ATRX: variants seen among roughly 807,000 people sequenced by gnomAD.
ATRX encodes the protein chromatin remodeler ATRX.
Under a neutral mutation model 172.6 loss-of-function variants are expected in ATRX, and 12 were observed. The observed-to-expected ratio is 0.07, with a 90% CI of 0.04 to 0.11. The LOEUF (loss-of-function observed/expected upper bound fraction) is 0.11. Ranked by LOEUF, ATRX falls within the 10% of genes least tolerant of loss-of-function variation. ATRX has a pLI of 1.00. For synonymous variants in ATRX, 674 were observed against 594.7 expected, an observed-to-expected ratio of 1.13 and a Z score of -1.94; for missense variants, 1,368 against 1,767.4, an observed-to-expected ratio of 0.77 and a Z score of 4.05.
chrX:77,639,679 G>A (rs782049194), intron 15 of ATRX, among the ~76,000 whole-genome samples: 51 of 112,170 alleles, frequency 4.5e-4, no homozygotes, highest in South Asian at 1.9e-3. Flanking sequence ...GTTATTAAGT[G>A]TTGTCTTCAG....
At chrX:77,696,836 G>C in intron 4 of ATRX, 132 bp from the exon 5 acceptor site, 2 of 626,495 alleles carry the variant, frequency 3.2e-6, no homozygotes, top group Non-Finnish European at 5.0e-6. Context: ...ACCTAGGGAA[G>C]CATGTATGTC....
chrX:77,621,068 A>C (rs1227562819), intron 19 of ATRX, among the ~76,000 whole-genome samples: 1 of 111,702 alleles, frequency 9.0e-6, no homozygotes, highest in African/African-American at 3.3e-5. Flanking sequence ...TTAACTGATA[A>C]AAGAAAGTGA....
chrX:77,742,975 C>T (rs782391888), intron 1 of ATRX, among the ~76,000 whole-genome samples: 13 of 111,039 alleles, frequency 1.2e-4, no homozygotes, highest in African/African-American at 3.9e-4. Context: ...AGCAACAGGG[C>T]CAGTCCTAGC....
chrX:77,741,595 G>A lies in ATRX; in HGVS notation c.21-24352C>T, dbSNP rs146186712. ...TCCTGCCACAGCCTCTCAAGTAGCT[G>A]GGACTACAGGTGCGCGCCACCATGC... On this transcript the variant is annotated intron_variant, in intron 1 of 34. Coordinates refer to ENST00000373344, the MANE Select transcript of ATRX (RefSeq NM_000489.6). Among the ~76,000 whole-genome samples the A allele has an allele frequency of 2.0e-3, 224 of 110,824 alleles. 2 individuals are homozygous for A. The East Asian group carries it at 0.039, about 19-fold the overall frequency.
chrX:77,708,659 CA>C (rs782311645), intron 2 of ATRX, among the ~76,000 whole-genome samples: 1 of 97,415 alleles, frequency 1.0e-5, no homozygotes, highest in South Asian at 4.8e-4. Flanking sequence ...GACTCTGTCT[CA>C]AAAAAAAAAT....
At chrX:77,591,384 C>T (rs1230697826) in intron 26 of ATRX, among the ~76,000 whole-genome samples, 1 of 111,917 alleles carries the variant, frequency 8.9e-6, no homozygotes, top group African/African-American at 3.2e-5. Context: ...CAAAGTAGAT[C>T]AGTATATAAG....
chrX:77,573,924 C>G (rs1557068970), intron 28 of ATRX, among the ~76,000 whole-genome samples: 1 of 111,380 alleles, frequency 9.0e-6, no homozygotes, highest in African/African-American at 3.3e-5. Context: ...TCAAATGTCC[C>G]TCAAGTGGAA....
intron 25 of ATRX, among the ~76,000 whole-genome samples, chrX:77,597,843 T>C (rs897448502): frequency 4.5e-5 from 5 of 112,198 alleles, no homozygotes; most frequent in Non-Finnish European, 9.4e-5. Context: ...GTTGGTGGGA[T>C]TGTAAATTAG....
intron 34 of ATRX, among the ~76,000 whole-genome samples, chrX:77,509,565 C>T (rs1602307548): frequency 9.0e-6 from 1 of 111,558 alleles, no homozygotes; most frequent in Non-Finnish European, 1.9e-5. Context: ...CCAATGCCAC[C>T]CCTCACTCAT....
Position 77,652,327 on chromosome X carries a change from T to C in ATRX, c.4344A>G (p.Glu1448=). Residue 1448 remains glutamate (E), a synonymous_variant, in exon 15 of 35, where the codon GAA becomes GAG. Coordinates refer to ENST00000373344, the MANE Select transcript of ATRX (RefSeq NM_000489.6). ...CCTCCTCTTCCTCCTCCTCTTCTTT[T>C]TCCTCCTCTTCTTCCTCAGAATTAC... ...NKSNSEEEEE[E]KEEEEEEEEE... is the part of the protein sequence containing the mutation. The C allele has an allele frequency of 8.3e-7, 1 of 1,205,685 alleles. No homozygotes were observed. The highest frequency in any genetic ancestry group is 1.1e-6 in the Non-Finnish European group (1 of 892,535).
intron 15 of ATRX, among the ~76,000 whole-genome samples, chrX:77,646,163 A>G (rs1430206845): frequency 5.4e-5 from 6 of 112,139 alleles, no homozygotes; most frequent in African/African-American, 1.9e-4. Flanking sequence ...TCAAAAAGAC[A>G]TAGATGGACA....
intron 17 of ATRX, among the ~76,000 whole-genome samples, chrX:77,634,188 C>G (rs1342841895): frequency 2.4e-5 from 2 of 84,942 alleles, no homozygotes; most frequent in Non-Finnish European, 4.3e-5. Context: ...GTAAAAGATA[C>G]TTTACTTTGT....
intron 1 of ATRX, among the ~76,000 whole-genome samples, chrX:77,733,895 T>G (rs782493998): frequency 6.6e-5 from 6 of 90,700 alleles, no homozygotes; most frequent in Non-Finnish European, 1.3e-4. Context: ...GAAAAATAAA[T>G]AAAATAAATA....
At chrX:77,542,740 G>C (rs1184588500) in intron 30 of ATRX, among the ~76,000 whole-genome samples, 1 of 111,863 alleles carries the variant, frequency 8.9e-6, no homozygotes, top group African/African-American at 3.3e-5. Context: ...TTTAATAAAT[G>C]GTGTTGGGAA....
At chrX:77,674,392 C>A (rs1381334897) in intron 10 of ATRX, 1 of 109,557 alleles carries the variant, frequency 9.1e-6, no homozygotes, top group East Asian at 2.8e-4. Flanking sequence ...ACAAATTAAA[C>A]TGAGTATAGA....
intron 34 of ATRX, among the ~76,000 whole-genome samples, chrX:77,511,960 C>T (rs1345505004): frequency 9.0e-6 from 1 of 111,184 alleles, no homozygotes; most frequent in East Asian, 2.8e-4. Flanking sequence ...TATCAATATT[C>T]AAGAAAAAGA....
At chrX:77,760,102 T>C (rs1301793164) in intron 1 of ATRX, among the ~76,000 whole-genome samples, 1 of 110,670 alleles carries the variant, frequency 9.0e-6, no homozygotes. Flanking sequence ...ATACTAAATA[T>C]TTGAAATTCC....
chrX:77,649,884 A>G (rs1456138066), intron 15 of ATRX, among the ~76,000 whole-genome samples: 1 of 112,134 alleles, frequency 8.9e-6, no homozygotes, highest in African/African-American at 3.2e-5. Context: ...AAAATGGACT[A>G]ATACAATGTA....
intron 34 of ATRX, among the ~76,000 whole-genome samples, chrX:77,520,526 G>A (rs1205765782): frequency 9.0e-6 from 1 of 111,605 alleles, no homozygotes; most frequent in Non-Finnish European, 1.9e-5. Flanking sequence ...TAGATGTCCA[G>A]AATATATGAG....
Sources: gnomAD v4.1 joint callset for allele counts (sites outside exome capture counted in the v4.1 genomes callset) on GRCh38, gnomAD v4.1.1 for gene constraint, MANE v1.5 for transcripts, NCBI Gene and HGNC (gene_info 2026-07-23, HGNC 2026-07-21) for gene names.